SLC16A7: variants seen among roughly 807,000 people sequenced by gnomAD.
The protein encoded by SLC16A7 is monocarboxylate transporter 2.
A neutral mutation model predicts 34.9 loss-of-function variants in SLC16A7; 33 were observed. That is an observed-to-expected ratio of 0.94 (90% CI 0.72 to 1.26). The LOEUF (loss-of-function observed/expected upper bound fraction) is 1.26, where lower values mean the gene tolerates loss of function less well. Among genes scored for constraint, SLC16A7 ranks in the 50% most tolerant of loss-of-function variants. The pLI is 0.00. For missense variants in SLC16A7, 573 were observed against 578.1 expected, an observed-to-expected ratio of 0.99 and a Z score of 0.09; for synonymous variants, 201 against 206.6, an observed-to-expected ratio of 0.97 and a Z score of 0.23.
At chr12:59,723,622 T>C (rs1875880850) in intron 3 of SLC16A7, among the ~76,000 whole-genome samples, 1 of 151,998 alleles carries the variant, frequency 6.6e-6, no homozygotes. Flanking sequence ...AGCATTTTAG[T>C]ATAAAGGCAA....
intron 3 of SLC16A7, among the ~76,000 whole-genome samples, chr12:59,770,446 G>A (rs895356294): frequency 5.3e-5 from 8 of 152,130 alleles, no homozygotes; most frequent in East Asian, 1.9e-4. Flanking sequence ...TTACTAGAAC[G>A]TGTCAACAGA....
In SLC16A7 at chr12:59,614,804, T is replaced by C. The variant is rs1450592027; in HGVS notation, c.-130+18568T>C. Among the ~76,000 whole-genome samples the C allele has an allele frequency of 2.7e-5, 3 of 112,248 alleles. No homozygotes were observed. In the East Asian group the frequency reaches 8.0e-4, roughly 30 times the overall value. 73.6% of individuals were successfully genotyped at this position (112,248 alleles called of 152,430 possible). A position where few individuals can be genotyped will look rare whatever the true frequency, so the allele number is the denominator to read the frequency against. On this transcript the variant is annotated intron_variant, in intron 1 of 5. Transcript: ENST00000547379. Reference sequence around the variant, plus strand: ...GAGATCGAGACCATCCTGGCTAACATGGTCAAACCCCATTCCTACTAAAAA... The same window carrying C: ...GAGATCGAGACCATCCTGGCTAACACGGTCAAACCCCATTCCTACTAAAAA...
In SLC16A7 at chr12:59,679,795, A is replaced by C. The variant is rs147355744; in HGVS notation, c.-31+24545A>C. On this transcript the variant is annotated intron_variant, in intron 2 of 5. Transcript: ENST00000547379. ...AATGCTGGAGACAACAAGACATTAA[A>C]TGCAATGTTTTACCTTGATTTAATC... Among the ~76,000 whole-genome samples, 414 of 152,338 alleles carry C rather than the reference A, an allele frequency of 2.7e-3. 1 individual carries two copies. Among genetic ancestry groups the C allele is most frequent in the Non-Finnish European group, 4.5e-3 (304 of 68,024 alleles).
chr12:59,744,899 A>C (rs1024543475), intron 3 of SLC16A7, among the ~76,000 whole-genome samples: 2 of 152,084 alleles, frequency 1.3e-5, no homozygotes, highest in Non-Finnish European at 2.9e-5. Flanking sequence ...CAGTGAGTGG[A>C]GTTTGCCCCT....
At chr12:59,736,658 A>T (rs1877642050) in intron 3 of SLC16A7, among the ~76,000 whole-genome samples, 1 of 152,178 alleles carries the variant, frequency 6.6e-6, no homozygotes, top group Non-Finnish European at 1.5e-5. Context: ...TAACTTGACC[A>T]CAGATGACCA....
At chr12:59,642,784 T>A (rs534252931) in intron 1 of SLC16A7, among the ~76,000 whole-genome samples, 1 of 152,084 alleles carries the variant, frequency 6.6e-6, no homozygotes, top group Non-Finnish European at 1.5e-5. Context: ...CAATTAAGAT[T>A]GTCTTTATAG....
At chr12:59,740,460 G>A (rs1451739477) in intron 3 of SLC16A7, among the ~76,000 whole-genome samples, 1 of 152,146 alleles carries the variant, frequency 6.6e-6, no homozygotes, top group Non-Finnish European at 1.5e-5. Context: ...TTGTAGTATA[G>A]TTTGAAGTCA....
chr12:59,712,394 T>C (rs1444943416), intron 3 of SLC16A7, among the ~76,000 whole-genome samples: 1 of 152,218 alleles, frequency 6.6e-6, no homozygotes, highest in East Asian at 1.9e-4. Context: ...CCTCCTATGA[T>C]TTGAATAGTG....
In SLC16A7 at chr12:59,736,273, TAAATC is replaced by T. The variant is rs1877582585; in HGVS notation, c.217+31260_217+31264del. 3.9e-5 allele frequency among the ~76,000 whole-genome samples: 6 copies of T among 152,298 alleles called. No homozygotes were observed. In the East Asian group the frequency reaches 5.8e-4, roughly 15 times the overall value. The stretch of plus-strand genomic sequence containing the variant: ...ATAAAAATTGCTAGAGAGTGGGTGT[TAAATC>T]AAATGGTTTATCTGAGAGAAGAGAT... On this transcript the variant is annotated intron_variant, in intron 3 of 5. Coordinates refer to ENST00000547379, the MANE Select transcript of SLC16A7 (RefSeq NM_001270623.2).
intron 3 of SLC16A7, among the ~76,000 whole-genome samples, chr12:59,754,283 CA>C (rs1016234298): frequency 1.3e-5 from 2 of 151,424 alleles, no homozygotes; most frequent in East Asian, 1.9e-4. Flanking sequence ...AAATAGAGAC[CA>C]AAAAAACCCT....
intron 1 of SLC16A7, among the ~76,000 whole-genome samples, chr12:59,619,135 ATT>A (rs1378458596): frequency 6.6e-6 from 1 of 152,084 alleles, no homozygotes; most frequent in Non-Finnish European, 1.5e-5. Flanking sequence ...TCGAATGAAC[ATT>A]TAGCCTTTAC....
chr12:59,749,488 A>G (rs2137318008), intron 3 of SLC16A7, among the ~76,000 whole-genome samples: 1 of 152,258 alleles, frequency 6.6e-6, no homozygotes, highest in East Asian at 1.9e-4. Context: ...ACTTGCCCCC[A>G]TACACAAAAT....
chr12:59,611,348 A>T (rs1879185017), intron 1 of SLC16A7, among the ~76,000 whole-genome samples: 1 of 152,188 alleles, frequency 6.6e-6, no homozygotes, highest in African/African-American at 2.4e-5. Context: ...CCACTTATGC[A>T]ATCATCAGAC....
intron 3 of SLC16A7, among the ~76,000 whole-genome samples, chr12:59,724,524 A>T (rs1876003942): frequency 6.6e-6 from 1 of 151,882 alleles, no homozygotes; most frequent in Non-Finnish European, 1.5e-5. Context: ...CAAAGTGCAA[A>T]GTGCAACATG....
At chr12:59,598,275 G>T (rs1408481511) in intron 1 of SLC16A7, among the ~76,000 whole-genome samples, 1 of 152,214 alleles carries the variant, frequency 6.6e-6, no homozygotes, top group Non-Finnish European at 1.5e-5. Context: ...TATAAAATGA[G>T]ATTGGTGGTA....
intron 2 of SLC16A7, among the ~76,000 whole-genome samples, chr12:59,702,532 G>A (rs1001615638): frequency 1.3e-5 from 2 of 152,044 alleles, no homozygotes; most frequent in Non-Finnish European, 2.9e-5. Flanking sequence ...ACTTATAGAA[G>A]TGGCTTTGCC....
intron 1 of SLC16A7, among the ~76,000 whole-genome samples, chr12:59,643,023 C>T (rs1880752507): frequency 1.3e-5 from 2 of 152,022 alleles, no homozygotes; most frequent in Admixed American, 1.3e-4. Context: ...TTTAAAAGCA[C>T]TTGGATAATT....
rs1878414819 is a variant in SLC16A7, at chr12:59,596,651, A to G, written c.-130+415A>G. Among the ~76,000 whole-genome samples, 2 of 151,606 alleles carry G rather than the reference A, an allele frequency of 1.3e-5. No individual in the cohort carries two copies. On this transcript the variant is annotated intron_variant, in intron 1 of 5. Coordinates refer to ENST00000547379, the MANE Select transcript of SLC16A7 (RefSeq NM_001270623.2). The surrounding 1 kb of genome is among the most constrained non-coding windows in gnomAD (Gnocchi z 5.0). ...GCTGCTTCCAGTGCGGCGTGTCTCT[A>G]GTGCGCGCCCCGCCAGCATCCGGCC...
rs766305660 is a variant in SLC16A7, at chr12:59,785,202, A to G, written c.*5523A>G. ...ACAATTAAAAATGAGTAATTTTCTG[A>G]GCTTATGTCACTTTTTTATAGTTCT... On this transcript the variant is annotated 3_prime_UTR_variant, in exon 6 of 6. Transcript: ENST00000547379. 3 of 152,140 alleles carry G rather than the reference A, an allele frequency of 2.0e-5. No homozygotes were observed. The allele number at this position is 152,140 out of a possible 1,614,324, so 9.4% of individuals were successfully genotyped here. A position where few individuals can be genotyped will look rare whatever the true frequency, so the allele number is the denominator to read the frequency against.
Sources: gnomAD v4.1 joint callset for allele counts (sites outside exome capture counted in the v4.1 genomes callset) on GRCh38, gnomAD v4.1.1 for gene constraint, Gnocchi (gnomAD v3.1) non-coding constraint, MANE v1.5 for transcripts, NCBI Gene and HGNC (gene_info 2026-07-23, HGNC 2026-07-21) for gene names.